ST8SIA5: variants seen among roughly 807,000 people sequenced by gnomAD.
The protein encoded by ST8SIA5 is ST8 alpha-N-acetyl-neuraminide alpha-2,8-sialyltransferase 5, also known as alpha-2,8-sialyltransferase 8E.
ST8SIA5 carries 24 observed loss-of-function variants against 40.2 expected under a neutral mutation model. That is an observed-to-expected ratio of 0.60 (90% CI 0.43 to 0.84). ST8SIA5 has a LOEUF of 0.84. Ranked by LOEUF, ST8SIA5 falls within the 40% of genes least tolerant of loss-of-function variation. The pLI, the probability that ST8SIA5 is intolerant of heterozygous loss-of-function variation, is 0.00. For missense variants in ST8SIA5, 465 were observed against 498.5 expected, an observed-to-expected ratio of 0.93 and a Z score of 0.64; for synonymous variants, 198 against 201.8, an observed-to-expected ratio of 0.98 and a Z score of 0.16.
In ST8SIA5 at chr18:46,728,783, C is replaced by T. The variant is rs575847217; in HGVS notation, c.132-24119G>A. On this transcript the variant is annotated intron_variant, in intron 1 of 6. Transcript: ENST00000315087. Reference sequence around the variant, plus strand: ...CATTGCTCTGCTCTGTTTTTCAGGTCAGTAGAGGACAGGAAGGCAGCTGCT... The same window carrying T: ...CATTGCTCTGCTCTGTTTTTCAGGTTAGTAGAGGACAGGAAGGCAGCTGCT... Among the ~76,000 whole-genome samples the T allele has an allele frequency of 6.6e-5, 10 of 152,274 alleles. No individual in the cohort carries two copies. The East Asian group carries it at 1.5e-3, about 23-fold the overall frequency.
intron 5 of ST8SIA5, among the ~76,000 whole-genome samples, chr18:46,683,080 A>G (rs765848714): frequency 1.3e-5 from 2 of 152,192 alleles, no homozygotes; most frequent in Non-Finnish European, 2.9e-5. Context: ...AAACAAGCAT[A>G]GTTTAACAAT....
chr18:46,721,719 C>T (rs1214991917), intron 1 of ST8SIA5, among the ~76,000 whole-genome samples: 5 of 152,004 alleles, frequency 3.3e-5, no homozygotes, highest in Non-Finnish European at 7.3e-5. Flanking sequence ...ACACATTTCA[C>T]ACACAGGGAC....
chr18:46,714,320 A>G (rs909506225), intron 1 of ST8SIA5, among the ~76,000 whole-genome samples: 2 of 151,888 alleles, frequency 1.3e-5, no homozygotes, highest in African/African-American at 2.4e-5. Flanking sequence ...TTCCAGCCCG[A>G]CTCCAACTCC....
At position 46,672,360 on chromosome 18, in the gene ST8SIA5, A is replaced by G. The variant is rs1073745; in HGVS notation, c.*7682T>C. ...TGCTGAATCAGATCCTCCGGGAAGTAAAGGACCTGGCTTGGGGATTATTTT... is the reference window on the plus strand; with the variant it reads ...TGCTGAATCAGATCCTCCGGGAAGTGAAGGACCTGGCTTGGGGATTATTTT... On this transcript the variant is annotated 3_prime_UTR_variant, in exon 7 of 7. Coordinates refer to ENST00000315087, the MANE Select transcript of ST8SIA5 (RefSeq NM_013305.6). 1 of 152,096 alleles carries G rather than the reference A, an allele frequency of 6.6e-6. No individual in the cohort carries two copies. The highest frequency in any genetic ancestry group is 1.5e-5 in the Non-Finnish European group (1 of 68,020). 9.4% of individuals were successfully genotyped at this position (152,096 alleles called of 1,614,324 possible).
Position 46,677,754 on chromosome 18 carries a change from A to G in ST8SIA5, c.*2288T>C, listed in dbSNP as rs1285559569. On this transcript the variant is annotated 3_prime_UTR_variant, in exon 7 of 7. Transcript: ENST00000315087. ...CTGGCTGGGGCAGATTCCAACCTGC[A>G]ACACCCTCAGCTGTGGGAATCCTGA... 2 of 152,154 alleles carry G rather than the reference A, an allele frequency of 1.3e-5. No individual in the cohort carries two copies. The highest frequency in any genetic ancestry group is 4.8e-5 in the African/African-American group (2 of 41,434). 9.4% of individuals were successfully genotyped at this position (152,154 alleles called of 1,614,324 possible).
In ST8SIA5 at chr18:46,756,795, G is replaced by T. The variant is rs1272785942; in HGVS notation, c.-287C>A. On this transcript the variant is annotated 5_prime_UTR_variant, in exon 1 of 7. Transcript: ENST00000315087. ...CCTTTACCTCCAGGCGCCGGTGCCG[G>T]GTAGCCGCCGATTTCCCCGCGGAGG... 5 of 358,328 alleles carry T rather than the reference G, an allele frequency of 1.4e-5. No individual in the cohort carries two copies. Among genetic ancestry groups the T allele is most frequent in the Non-Finnish European group, 2.5e-5 (5 of 200,156 alleles). The allele number at this position is 358,328 out of a possible 1,614,324, so 22.2% of individuals were successfully genotyped here.
At chr18:46,738,675 T>A (rs375488545) in intron 1 of ST8SIA5, among the ~76,000 whole-genome samples, 16 of 151,430 alleles carry the variant, frequency 1.1e-4, no homozygotes, top group African/African-American at 3.6e-4. Context: ...CAGGGCACCC[T>A]CCCCCTCGAG....
intron 1 of ST8SIA5, among the ~76,000 whole-genome samples, chr18:46,715,683 G>A (rs2039781276): frequency 1.3e-5 from 2 of 151,980 alleles, no homozygotes; most frequent in Non-Finnish European, 2.9e-5. Flanking sequence ...GGGCTCAAGT[G>A]ATCTTCCGAC....
chr18:46,710,856 A>G (rs1364819036), intron 1 of ST8SIA5, among the ~76,000 whole-genome samples: 1 of 152,132 alleles, frequency 6.6e-6, no homozygotes, highest in Non-Finnish European at 1.5e-5. Context: ...CTACAAGATG[A>G]GGTCCATGCA....
intron 1 of ST8SIA5, among the ~76,000 whole-genome samples, chr18:46,717,126 G>C (rs748081909): frequency 7.2e-5 from 11 of 152,218 alleles, no homozygotes; most frequent in Non-Finnish European, 1.3e-4. Flanking sequence ...ATCACCATGA[G>C]GGCACCGCTG....
intron 2 of ST8SIA5, among the ~76,000 whole-genome samples, chr18:46,703,177 G>A (rs983106445): frequency 2.6e-5 from 4 of 152,094 alleles, no homozygotes; most frequent in East Asian, 1.9e-4. Context: ...ACGGAGTCTC[G>A]CTCTGTCACC....
intron 1 of ST8SIA5, among the ~76,000 whole-genome samples, chr18:46,739,373 C>T (rs1441115735): frequency 6.6e-6 from 1 of 152,136 alleles, no homozygotes; most frequent in Non-Finnish European, 1.5e-5. Flanking sequence ...GAAACCCCGA[C>T]TCTACTAAAA....
chr18:46,721,710 C>T (rs1487211684), intron 1 of ST8SIA5, among the ~76,000 whole-genome samples: 2 of 152,024 alleles, frequency 1.3e-5, no homozygotes, highest in Non-Finnish European at 2.9e-5. Flanking sequence ...GCTGAGAGCA[C>T]ACATTTCACA....
chr18:46,677,458 C>T lies in ST8SIA5; in HGVS notation c.*2584G>A, dbSNP rs944033325. The T allele has an allele frequency of 3.9e-5, 6 of 152,140 alleles. No individual in the cohort carries two copies. Among genetic ancestry groups the T allele is most frequent in the South Asian group, 4.2e-4 (2 of 4,816 alleles). The allele number at this position is 152,140 out of a possible 1,614,324, so 9.4% of individuals were successfully genotyped here. On this transcript the variant is annotated 3_prime_UTR_variant, in exon 7 of 7. Transcript: ENST00000315087. ...GAGATAATATAGGGAAAGTGCTTAA[C>T]GTAGCTTGATAAATGCTAGCTAGTA...
intron 1 of ST8SIA5, among the ~76,000 whole-genome samples, chr18:46,735,168 G>A (rs1002863979): frequency 1.3e-5 from 2 of 152,234 alleles, no homozygotes; most frequent in Non-Finnish European, 1.5e-5. Context: ...TGTTTGCCAC[G>A]AGCTCTCAGG....
At chr18:46,709,368 T>G (rs1343645983) in intron 1 of ST8SIA5, among the ~76,000 whole-genome samples, 1 of 152,230 alleles carries the variant, frequency 6.6e-6, no homozygotes, top group Admixed American at 6.5e-5. Flanking sequence ...ACCTTGATCT[T>G]GGACTTCCCA....
At chr18:46,713,250 C>G (rs2039751617) in intron 1 of ST8SIA5, among the ~76,000 whole-genome samples, 1 of 152,176 alleles carries the variant, frequency 6.6e-6, no homozygotes, top group South Asian at 2.1e-4. Context: ...AGGAATGGAA[C>G]CAGCAGGATG....
chr18:46,669,769 T>A lies in ST8SIA5; in HGVS notation c.*10273A>T, dbSNP rs1438725085. ...GTCTCCAATGTCAGGGGGAAAATGT[T>A]AAGTTCAAAAGAGTGAGTTTGGCCG... On this transcript the variant is annotated 3_prime_UTR_variant, in exon 7 of 7. Coordinates refer to ENST00000315087, the MANE Select transcript of ST8SIA5 (RefSeq NM_013305.6). 6.6e-6 allele frequency: 1 copy of A among 152,144 alleles called. No individual in the cohort carries two copies. The highest frequency in any genetic ancestry group is 1.5e-5 in the Non-Finnish European group (1 of 68,058). 9.4% of individuals were successfully genotyped at this position (152,144 alleles called of 1,614,324 possible).
intron 1 of ST8SIA5, among the ~76,000 whole-genome samples, chr18:46,732,136 T>C (rs935061927): frequency 1.3e-5 from 2 of 152,218 alleles, no homozygotes; most frequent in Non-Finnish European, 2.9e-5. Flanking sequence ...CTTGAAACAC[T>C]GTGCAGACCA....
Sources: allele counts gnomAD v4.1 joint callset (sites outside exome capture counted in the v4.1 genomes callset), GRCh38; gene constraint gnomAD v4.1.1; transcripts MANE v1.5; gene names NCBI Gene and HGNC (gene_info 2026-07-23, HGNC 2026-07-21).